CNN3: variants seen among roughly 807,000 people sequenced by gnomAD.
The protein encoded by CNN3 is calponin-3.
CNN3 carries 11 observed loss-of-function variants against 39.0 expected under a neutral mutation model. The observed-to-expected ratio is 0.28, with a 90% CI of 0.18 to 0.47. The LOEUF (loss-of-function observed/expected upper bound fraction) is 0.47. CNN3 is among the 20% of genes least tolerant of loss of function. The probability of loss-of-function intolerance (pLI) is 0.99; values close to 1 mark genes in which losing one functional copy is unlikely to be tolerated. For missense variants in CNN3, 266 were observed against 403.4 expected, an observed-to-expected ratio of 0.66 and a Z score of 2.92; for synonymous variants, 101 against 138.3, an observed-to-expected ratio of 0.73 and a Z score of 1.89.
intron 5 of CNN3, among the ~76,000 whole-genome samples, chr1:94,900,410 TAC>T (rs1296193319): frequency 2.6e-5 from 4 of 152,212 alleles, no homozygotes; most frequent in African/African-American, 7.2e-5. Flanking sequence ...TATATACAAA[TAC>T]ATACAAAAAC....
At chr1:94,915,474 C>A (rs859044) in intron 1 of CNN3, among the ~76,000 whole-genome samples, 43,834 of 152,030 alleles carry the variant, frequency 0.29, 6,639 homozygotes, top group Middle Eastern at 0.32. Context: ...CCCTCCACAT[C>A]GACAGTAAAG....
At chr1:94,908,676 G>A (rs927093933) in intron 1 of CNN3, among the ~76,000 whole-genome samples, 2 of 152,056 alleles carry the variant, frequency 1.3e-5, no homozygotes, top group Non-Finnish European at 2.9e-5. Flanking sequence ...GAGTAGTTGG[G>A]ATTACAGGTG....
intron 1 of CNN3, among the ~76,000 whole-genome samples, chr1:94,905,663 A>T (rs1670978894): frequency 6.6e-6 from 1 of 152,230 alleles, no homozygotes; most frequent in Non-Finnish European, 1.5e-5. Context: ...AAAATCCAGT[A>T]AGTTTATATT....
intron 1 of CNN3, among the ~76,000 whole-genome samples, chr1:94,909,839 C>T (rs9432616): frequency 0.057 from 8,720 of 151,768 alleles, 321 homozygotes; most frequent in African/African-American, 0.092. Context: ...CGGTGTACGC[C>T]GAGAGCATTC....
chr1:94,919,238 A>C (rs1671379439), intron 1 of CNN3, among the ~76,000 whole-genome samples: 1 of 152,218 alleles, frequency 6.6e-6, no homozygotes, highest in South Asian at 2.1e-4. Flanking sequence ...GGAACCATTC[A>C]GGGGAAGGCA....
chr1:94,902,105 A>G lies in CNN3; in HGVS notation c.384+16T>C. On this transcript the variant is annotated intron_variant, in intron 4 of 6. Transcript: ENST00000370206. ...GGTGGGAATCTGTTAACCAGCCATT[A>G]AAGACATGTACGTACCAGACCTGCT... 6.2e-7 allele frequency: 1 copy of G among 1,601,340 alleles called. No individual in the cohort carries two copies. The highest frequency in any genetic ancestry group is 8.5e-7 in the Non-Finnish European group (1 of 1,169,638).
chr1:94,913,951 G>A (rs551745622), intron 1 of CNN3, among the ~76,000 whole-genome samples: 8 of 152,182 alleles, frequency 5.3e-5, no homozygotes, highest in African/African-American at 1.4e-4. Flanking sequence ...AAGGCCAGCC[G>A]GGTCTTGAAT....
chr1:94,906,638 G>A (rs1198900957), intron 1 of CNN3, among the ~76,000 whole-genome samples: 1 of 152,184 alleles, frequency 6.6e-6, no homozygotes, highest in East Asian at 1.9e-4. Context: ...CTCGATCCAA[G>A]AGGAAGTCTA....
At chr1:94,901,563 A>C in intron 5 of CNN3, 106 bp downstream of exon 5, 14 of 670,904 alleles carry the variant, frequency 2.1e-5, no homozygotes, top group East Asian at 1.2e-4. Flanking sequence ...CCCCCCCCCC[A>C]GTACTATAGT....
chr1:94,921,698 A>G (rs1290607024), intron 1 of CNN3, among the ~76,000 whole-genome samples: 3 of 152,244 alleles, frequency 2.0e-5, no homozygotes, highest in African/African-American at 7.2e-5. Flanking sequence ...AGGACTGTCT[A>G]GAGACAGAAC....
intron 1 of CNN3, among the ~76,000 whole-genome samples, chr1:94,916,692 A>G (rs1169504174): frequency 1.3e-5 from 2 of 152,212 alleles, no homozygotes; most frequent in Non-Finnish European, 2.9e-5. Context: ...GGTTAGGAGC[A>G]AGGGCTCTGG....
At chr1:94,920,543 A>T (rs1016033016) in intron 1 of CNN3, among the ~76,000 whole-genome samples, 1 of 152,192 alleles carries the variant, frequency 6.6e-6, no homozygotes, top group African/African-American at 2.4e-5. Flanking sequence ...TATTCTAAAC[A>T]CTTTACATGG....
chr1:94,925,704 GC>G (rs1671557125), intron 1 of CNN3: 1 of 985,368 alleles, frequency 1.0e-6, no homozygotes, highest in African/African-American at 1.7e-5. Flanking sequence ...CAATGCCAGT[GC>G]CTTCCACCAG....
intron 5 of CNN3, among the ~76,000 whole-genome samples, chr1:94,900,293 AG>A (rs1418705064): frequency 6.6e-6 from 1 of 152,206 alleles, no homozygotes; most frequent in Non-Finnish European, 1.5e-5. Context: ...AGCAAAAAGG[AG>A]GGGGGAAAAA....
chr1:94,914,009 C>T (rs559068410), intron 1 of CNN3, among the ~76,000 whole-genome samples: 1 of 152,070 alleles, frequency 6.6e-6, no homozygotes, highest in South Asian at 2.1e-4. Flanking sequence ...TAGCTGAAGC[C>T]CCACAGGTAA....
chr1:94,920,757 A>C (rs775314077), intron 1 of CNN3, among the ~76,000 whole-genome samples: 1 of 152,208 alleles, frequency 6.6e-6, no homozygotes, highest in Admixed American at 6.5e-5. Flanking sequence ...ACAGGTATGG[A>C]GAAGTCTTCA....
intron 1 of CNN3, chr1:94,925,953 G>T: frequency 2.6e-6 from 1 of 391,278 alleles, no homozygotes. Context: ...GGAGGGGGAC[G>T]CCTCTCATCT....
chr1:94,920,255 T>C (rs1403784810), intron 1 of CNN3, among the ~76,000 whole-genome samples: 1 of 152,158 alleles, frequency 6.6e-6, no homozygotes, highest in Non-Finnish European at 1.5e-5. Flanking sequence ...CGCTGCCTGG[T>C]GGTGGAGTCC....
At position 94,906,466 on chromosome 1, in the gene CNN3, AT is replaced by A. The variant is rs3838308; in HGVS notation, c.58-2943del. ...GAAAGCAAATACTAATTGTAAGGTG[AT>A]TTTTTTTTTCCCCAAAAGTGAGGGC... On this transcript the variant is annotated intron_variant, in intron 1 of 6. Coordinates refer to ENST00000370206, the MANE Select transcript of CNN3 (RefSeq NM_001839.5). 3.6e-4 allele frequency among the ~76,000 whole-genome samples: 54 copies of A among 151,130 alleles called. 1 individual carries two copies. The highest frequency in any genetic ancestry group is 6.9e-3 in the Middle Eastern group (2 of 290).
Sources: gnomAD v4.1 joint callset for allele counts (sites outside exome capture counted in the v4.1 genomes callset) on GRCh38, gnomAD v4.1.1 for gene constraint, MANE v1.5 for transcripts, NCBI Gene and HGNC (gene_info 2026-07-23, HGNC 2026-07-21) for gene names.